Variants in ERC1 observed in about 807,000 individuals in gnomAD.
The protein encoded by ERC1 is ELKS/RAB6-interacting/CAST family member 1, also known as RAB6 interacting protein 2.
A neutral mutation model predicts 132.0 loss-of-function variants in ERC1; 56 were observed. That is an observed-to-expected ratio of 0.42 (90% CI 0.34 to 0.53). The LOEUF (loss-of-function observed/expected upper bound fraction) is 0.53, where lower values mean the gene tolerates loss of function less well. Among genes scored for constraint, ERC1 ranks in the 20% least tolerant of loss-of-function variants. ERC1 has a pLI of 0.03. For missense variants in ERC1, 1,202 were observed against 1,349.9 expected (o/e 0.89, Z 1.72); for synonymous variants, 478 against 476.1 (o/e 1.00, Z -0.05).
chr12:1,383,641 CAA>C (rs1311241054), intron 16 of ERC1, among the ~76,000 whole-genome samples: 1 of 151,764 alleles, frequency 6.6e-6, no homozygotes, highest in Non-Finnish European at 1.5e-5. Flanking sequence ...CACACACACA[CAA>C]AAAAAGCGAA....
chr12:1,237,951 C>G (rs1443020464), intron 13 of ERC1, among the ~76,000 whole-genome samples: 1 of 152,176 alleles, frequency 6.6e-6, no homozygotes, highest in Non-Finnish European at 1.5e-5. Flanking sequence ...TGAGGCTTTA[C>G]AACAAATTCT....
At chr12:1,073,091 A>C (rs1230501963) in intron 2 of ERC1, among the ~76,000 whole-genome samples, 1 of 152,082 alleles carries the variant, frequency 6.6e-6, no homozygotes, top group Non-Finnish European at 1.5e-5. Context: ...CATGAGGTCA[A>C]GAGATCGAGA....
intron 12 of ERC1, among the ~76,000 whole-genome samples, chr12:1,213,765 A>T (rs937479414): frequency 4.7e-5 from 7 of 150,206 alleles, no homozygotes; most frequent in African/African-American, 1.7e-4. Flanking sequence ...ATTGCCACGC[A>T]TGGTGGTGCA....
chr12:1,103,435 A>G (rs530591438), intron 3 of ERC1, among the ~76,000 whole-genome samples: 8 of 152,228 alleles, frequency 5.3e-5, no homozygotes, highest in Non-Finnish European at 1.2e-4. Flanking sequence ...TACAAGGGTC[A>G]CTTGAAGTGC....
intron 14 of ERC1, among the ~76,000 whole-genome samples, chr12:1,266,675 G>C (rs1401122038): frequency 6.6e-6 from 1 of 151,990 alleles, no homozygotes; most frequent in Non-Finnish European, 1.5e-5. Flanking sequence ...AAAGTGCTGG[G>C]ATTACAGGTG....
At chr12:1,334,032 C>T (rs559816004) in intron 15 of ERC1, among the ~76,000 whole-genome samples, 28 of 152,212 alleles carry the variant, frequency 1.8e-4, no homozygotes, top group African/African-American at 6.3e-4. Context: ...TGCTTCTTGG[C>T]CACGTGTTAT....
chr12:1,407,420 CGT>C (rs1438005370), intron 16 of ERC1, among the ~76,000 whole-genome samples: 1 of 151,944 alleles, frequency 6.6e-6, no homozygotes, highest in Non-Finnish European at 1.5e-5. Context: ...AGCATGGTGG[CGT>C]GCACCTGTAG....
intron 15 of ERC1, among the ~76,000 whole-genome samples, chr12:1,314,604 T>C (rs1349314479): frequency 6.6e-6 from 1 of 152,194 alleles, no homozygotes; most frequent in Non-Finnish European, 1.5e-5. Context: ...CCCTGGTAAA[T>C]TGACATAAGG....
In ERC1 at chr12:1,350,794, G is replaced by A. The variant is rs929059954; in HGVS notation, c.2781-21039G>A. ...AGCTCATGGTTCTGTGGGCTAAGAA[G>A]TTCAAGGGCATGGCCCTGGCTTCTG... On this transcript the variant is annotated intron_variant, in intron 15 of 18. Coordinates refer to ENST00000360905, the MANE Select transcript of ERC1 (RefSeq NM_178040.4). Among the ~76,000 whole-genome samples the A allele has an allele frequency of 2.6e-5, 4 of 152,204 alleles. No individual in the cohort carries two copies. In the South Asian group the frequency reaches 8.3e-4, roughly 31 times the overall value.
At chr12:1,334,450 T>C (rs1274469756) in intron 15 of ERC1, among the ~76,000 whole-genome samples, 1 of 152,240 alleles carries the variant, frequency 6.6e-6, no homozygotes, top group Admixed American at 6.5e-5. Context: ...CTTCTGCATA[T>C]GGCTAGCCAG....
At chr12:1,311,561 C>T (rs2081306057) in intron 15 of ERC1, among the ~76,000 whole-genome samples, 1 of 152,110 alleles carries the variant, frequency 6.6e-6, no homozygotes, top group African/African-American at 2.4e-5. Context: ...TTAATGGGGA[C>T]CTTTTTTTCC....
chr12:1,210,583 GAAAT>G (rs1247903717), intron 12 of ERC1, among the ~76,000 whole-genome samples: 2 of 152,174 alleles, frequency 1.3e-5, no homozygotes, highest in Admixed American at 6.5e-5. Flanking sequence ...AGGCAGGAGG[GAAAT>G]GTGTGTTTAA....
Position 1,493,839 on chromosome 12 carries a change from G to A in ERC1, c.*3609G>A, listed in dbSNP as rs937730814. The A allele has an allele frequency of 4.4e-6, 1 of 226,534 alleles. No homozygotes were observed. Among genetic ancestry groups the A allele is most frequent in the East Asian group, 6.3e-5 (1 of 15,886 alleles). The allele number at this position is 226,534 out of a possible 1,614,324, so 14.0% of individuals were successfully genotyped here. On this transcript the variant is annotated 3_prime_UTR_variant, in exon 19 of 19. Transcript: ENST00000360905. Reference sequence around the variant, plus strand: ...ACCCCCAGAGTGAGAGAAGAGGAAGGCGAAGTCATCACAGACACGGTCTTA... The same window carrying A: ...ACCCCCAGAGTGAGAGAAGAGGAAGACGAAGTCATCACAGACACGGTCTTA...
rs201473080 is a variant in ERC1, at chr12:1,043,028, TTTTTCTTTTC to T, written c.669+14471_669+14480del. ...GTACAGAGTATCTTCTTTTTCTTTCTTTTTCTTTTCTTTTCTTTTCTTTTTTTTTTTTTTA... is the reference window on the plus strand; with the variant it reads ...GTACAGAGTATCTTCTTTTTCTTTCTTTTTCTTTTCTTTTTTTTTTTTTTA... On this transcript the variant is annotated intron_variant, in intron 2 of 18. Coordinates refer to ENST00000360905, the MANE Select transcript of ERC1 (RefSeq NM_178040.4). 1.0e-4 allele frequency among the ~76,000 whole-genome samples: 15 copies of T among 149,608 alleles called. No individual in the cohort carries two copies. The South Asian group carries it at 2.1e-3, about 21-fold the overall frequency.
rs117043159 is a variant in ERC1, at chr12:1,134,400, A to G, written c.1570-7220A>G. 4.6e-3 allele frequency among the ~76,000 whole-genome samples: 694 copies of G among 151,412 alleles called. 4 individuals are homozygous for G. The highest frequency in any genetic ancestry group is 0.014 in the South Asian group (68 of 4,788). On this transcript the variant is annotated intron_variant, in intron 7 of 18. Coordinates refer to ENST00000360905, the MANE Select transcript of ERC1 (RefSeq NM_178040.4). Reference sequence around the variant, plus strand: ...CTTGCTTTGCTACCAAGGCTGGAGTACAGTGGTGTGATCATAGCTCACTGC... The same window carrying G: ...CTTGCTTTGCTACCAAGGCTGGAGTGCAGTGGTGTGATCATAGCTCACTGC...
intron 2 of ERC1, among the ~76,000 whole-genome samples, chr12:1,070,637 T>G (rs1410955037): frequency 6.6e-6 from 1 of 152,174 alleles, no homozygotes. Flanking sequence ...GAGATTCTCT[T>G]GAATATTTAT....
chr12:1,022,429 CAAG>C (rs1966519345), intron 1 of ERC1, among the ~76,000 whole-genome samples: 1 of 152,118 alleles, frequency 6.6e-6, no homozygotes, highest in African/African-American at 2.4e-5. Flanking sequence ...TTAAAACAAA[CAAG>C]AAAACAAGCT....
intron 2 of ERC1, among the ~76,000 whole-genome samples, chr12:1,065,480 T>TTGTGTGTG (rs71293132): frequency 0.16 from 19,600 of 124,564 alleles, 1,563 homozygotes; most frequent in East Asian, 0.37. Context: ...TTTGTACCGT[T>TTGTGTGTG]TGTGTGTGTG....
At chr12:1,025,662 C>T (rs73033112) in intron 1 of ERC1, among the ~76,000 whole-genome samples, 2,105 of 152,116 alleles carry the variant, frequency 0.014, 21 homozygotes, top group South Asian at 0.036. Flanking sequence ...GACGAGTATA[C>T]GTTATGTTTC....
Sources: gnomAD v4.1 joint callset for allele counts (sites outside exome capture counted in the v4.1 genomes callset) on GRCh38, gnomAD v4.1.1 for gene constraint, MANE v1.5 for transcripts, NCBI Gene and HGNC (gene_info 2026-07-23, HGNC 2026-07-21) for gene names.